Variants in JMJD1C observed in about 807,000 individuals in gnomAD.
The protein encoded by JMJD1C is jumonji domain containing 1C.
JMJD1C carries 31 observed loss-of-function variants against 245.3 expected under a neutral mutation model. That is an observed-to-expected ratio of 0.13 (90% CI 0.09 to 0.17). The LOEUF is 0.17. Among genes scored for constraint, JMJD1C ranks in the 10% least tolerant of loss-of-function variants. The pLI, the probability that JMJD1C is intolerant of heterozygous loss-of-function variation, is 1.00. For synonymous variants in JMJD1C, 1,057 were observed against 1,017.4 expected (o/e 1.04, Z -0.74); for missense variants, 2,691 against 3,000.2 (o/e 0.90, Z 2.41).
At chr10:63,427,773 G>T in intron 1 of JMJD1C, 2 of 1,350,868 alleles carry the variant, frequency 1.5e-6, no homozygotes, top group Non-Finnish European at 1.1e-6. Context: ...CCAAGACTAT[G>T]AAGGGTTTTG....
chr10:63,447,165 T>C (rs571746363), intron 1 of JMJD1C, among the ~76,000 whole-genome samples: 1 of 152,002 alleles, frequency 6.6e-6, no homozygotes, highest in South Asian at 2.1e-4. Flanking sequence ...GTGTTAATAG[T>C]CACATTTTTA....
At chr10:63,280,060 A>T (rs1857219891) in intron 2 of JMJD1C, among the ~76,000 whole-genome samples, 1 of 152,052 alleles carries the variant, frequency 6.6e-6, no homozygotes, top group Non-Finnish European at 1.5e-5. Context: ...CTGAGACAGG[A>T]GAATCACTTG....
chr10:63,442,155 C>T (rs377138043), intron 1 of JMJD1C, among the ~76,000 whole-genome samples: 3 of 152,124 alleles, frequency 2.0e-5, no homozygotes, highest in Non-Finnish European at 4.4e-5. Context: ...GAAGACTGAT[C>T]TAATCAAGAG....
At chr10:63,434,439 C>T (rs1312762136) in intron 1 of JMJD1C, among the ~76,000 whole-genome samples, 1 of 151,982 alleles carries the variant, frequency 6.6e-6, no homozygotes, top group African/African-American at 2.4e-5. Flanking sequence ...GATTCAGGAG[C>T]CTTTGTAAGT....
intron 1 of JMJD1C, among the ~76,000 whole-genome samples, chr10:63,447,642 T>A (rs192330658): frequency 1.3e-5 from 2 of 152,214 alleles, no homozygotes; most frequent in East Asian, 3.9e-4. Flanking sequence ...TAACCTGAAG[T>A]GATCAAATCT....
At chr10:63,446,702 A>C (rs1480873278) in intron 1 of JMJD1C, among the ~76,000 whole-genome samples, 1 of 152,236 alleles carries the variant, frequency 6.6e-6, no homozygotes, top group Non-Finnish European at 1.5e-5. Flanking sequence ...AACCATATTA[A>C]ATGCTGCTGA....
intron 3 of JMJD1C, among the ~76,000 whole-genome samples, chr10:63,247,644 A>T (rs1390403457): frequency 7.0e-6 from 1 of 142,292 alleles, no homozygotes; most frequent in Admixed American, 7.4e-5. Flanking sequence ...AGGCAGGAGA[A>T]TTGCTTGGGC....
chr10:63,296,013 A>ATTTT (rs373671324), intron 2 of JMJD1C, among the ~76,000 whole-genome samples: 5,673 of 84,164 alleles, frequency 0.067, 645 homozygotes, highest in Middle Eastern at 0.13. Flanking sequence ...GTATATATAT[A>ATTTT]TTTTTTTTTT....
At chr10:63,291,310 GAAAAAAA>G (rs59082600) in intron 2 of JMJD1C, among the ~76,000 whole-genome samples, 3 of 69,132 alleles carry the variant, frequency 4.3e-5, no homozygotes, top group African/African-American at 1.3e-4. Context: ...GTCTGTCTCA[GAAAAAAA>G]AAAAAAAAAA....
intron 1 of JMJD1C, among the ~76,000 whole-genome samples, chr10:63,500,104 T>C (rs1198961640): frequency 6.6e-6 from 1 of 152,196 alleles, no homozygotes; most frequent in Non-Finnish European, 1.5e-5. Flanking sequence ...ATGTGTTATT[T>C]AGAACAGTCC....
chr10:63,426,960 C>T (rs1336556485), intron 1 of JMJD1C, among the ~76,000 whole-genome samples: 1 of 152,140 alleles, frequency 6.6e-6, no homozygotes, highest in African/African-American at 2.4e-5. Context: ...TTTTAACATT[C>T]CCTTTGCTTC....
chr10:63,466,056 A>C, upstream of JMJD1C: 1 of 220,220 alleles, frequency 4.5e-6, no homozygotes, highest in Non-Finnish European at 8.9e-6. Flanking sequence ...CAGCCGCGGG[A>C]GGGTCGGCGG....
intron 3 of JMJD1C, among the ~76,000 whole-genome samples, chr10:63,228,023 A>G (rs1849512743): frequency 6.6e-6 from 1 of 152,228 alleles, no homozygotes; most frequent in African/African-American, 2.4e-5. Context: ...CAAAAAGCAA[A>G]GCTGTCTATA....
chr10:63,366,463 T>C (rs1302398310), intron 2 of JMJD1C, among the ~76,000 whole-genome samples: 3 of 152,254 alleles, frequency 2.0e-5, no homozygotes, highest in Non-Finnish European at 4.4e-5. Context: ...TAATGAGTTC[T>C]GTGAGTTCTT....
At chr10:63,467,801 A>G (rs1308720894), upstream of JMJD1C, among the ~76,000 whole-genome samples, 2 of 152,252 alleles carry the variant, frequency 1.3e-5, no homozygotes, top group South Asian at 2.1e-4. Flanking sequence ...CAAGTCATCA[A>G]TGATCTGCTT....
Position 63,208,661 on chromosome 10 carries a change from T to C in JMJD1C, c.3008A>G (p.Gln1003Arg). The change falls in exon 10 of 26, where the codon CAG (glutamine) becomes CGG (arginine). Residue 1003 changes from glutamine (Q) to arginine (R), a missense_variant. Gln to Arg is a conservative substitution (Grantham distance 43, BLOSUM62 1). Transcript: ENST00000399262. ...AGTCTCCTGGGGTGGCCTCTGTAACTGATTTAATACTGGATCCACAAAATG... is the reference window on the plus strand; with the variant it reads ...AGTCTCCTGGGGTGGCCTCTGTAACCGATTTAATACTGGATCCACAAAATG... ...HRHFVDPVLNQLQRPPQETGE... is the reference protein window; with the variant it reads ...HRHFVDPVLNRLQRPPQETGE... The C allele has an allele frequency of 6.2e-7, 1 of 1,614,162 alleles. No homozygotes were observed. The highest frequency in any genetic ancestry group is 1.1e-5 in the South Asian group (1 of 91,084).
rs543263584 is a variant in JMJD1C at position 63,244,865 on chromosome 10, G to T, written c.447+19786C>A. On this transcript the variant is annotated intron_variant, in intron 3 of 25. Transcript: ENST00000399262. ...ATTAAAAGAAATTAAGGCTGGGTGC[G>T]GTGGCTCACGCCTGTAATCCCAGCA... is the stretch of plus-strand genomic sequence containing the variant. Among the ~76,000 whole-genome samples the T allele has an allele frequency of 2.0e-5, 3 of 151,756 alleles. No homozygotes were observed. The South Asian group carries it at 6.2e-4, about 31-fold the overall frequency.
intron 1 of JMJD1C, among the ~76,000 whole-genome samples, chr10:63,392,867 AACACACACACACACAC>A (rs34778084): frequency 6.0e-4 from 67 of 112,282 alleles, no homozygotes; most frequent in African/African-American, 1.9e-3. Flanking sequence ...AAAGTACATA[AACACACACACACACAC>A]ACACACACAC....
chr10:63,391,463 T>C (rs560348739), intron 1 of JMJD1C, among the ~76,000 whole-genome samples: 6 of 152,088 alleles, frequency 3.9e-5, no homozygotes, highest in South Asian at 4.2e-4. Context: ...TGAGCCATGA[T>C]TGCGCCACTG....
Sources: allele counts gnomAD v4.1 joint callset (sites outside exome capture counted in the v4.1 genomes callset), GRCh38; gene constraint gnomAD v4.1.1; transcripts MANE v1.5; gene names NCBI Gene and HGNC (gene_info 2026-07-23, HGNC 2026-07-21).